Variants in HERC1 observed in about 807,000 individuals in gnomAD.
HERC1 encodes HECT and RLD domain containing E3 ubiquitin protein ligase family member 1, also known as probable E3 ubiquitin-protein ligase HERC1.
HERC1 carries 160 observed loss-of-function variants against 554.3 expected under a neutral mutation model. The observed-to-expected ratio is 0.29, with a 90% CI of 0.25 to 0.33. The LOEUF (loss-of-function observed/expected upper bound fraction) is 0.33. Ranked by LOEUF, HERC1 falls within the 10% of genes least tolerant of loss-of-function variation. The pLI is 1.00. For synonymous variants in HERC1, 2,175 were observed against 2,131.7 expected, an observed-to-expected ratio of 1.02 and a Z score of -0.56; for missense variants, 4,919 against 5,918.5, an observed-to-expected ratio of 0.83 and a Z score of 5.54.
chr15:63,804,825 C>G (rs1360706685), intron 1 of HERC1, among the ~76,000 whole-genome samples: 3 of 152,076 alleles, frequency 2.0e-5, no homozygotes, highest in Non-Finnish European at 4.4e-5. Context: ...GCCAAAAAAG[C>G]GCATGAAAGG....
At chr15:63,662,961 G>A in intron 44 of HERC1, 23 bp downstream of exon 44, 2 of 1,582,134 alleles carry the variant, frequency 1.3e-6, no homozygotes, top group Non-Finnish European at 1.7e-6. Flanking sequence ...AGTCAGAGCA[G>A]CCCCCGCTGC....
chr15:63,645,203 T>C (rs1035479204), intron 56 of HERC1, 106 bp from the exon 57 acceptor site: 5 of 856,900 alleles, frequency 5.8e-6, no homozygotes, highest in Admixed American at 4.2e-5. Flanking sequence ...TGCATTATTT[T>C]TTAAACTTAT....
chr15:63,732,475 G>A (rs939876054), intron 14 of HERC1, among the ~76,000 whole-genome samples: 1 of 151,934 alleles, frequency 6.6e-6, no homozygotes, highest in Non-Finnish European at 1.5e-5. Flanking sequence ...AGAAATGGCA[G>A]GAAAAAAAGA....
chr15:63,693,339 G>T (rs2072230165), intron 30 of HERC1, among the ~76,000 whole-genome samples: 1 of 151,394 alleles, frequency 6.6e-6, no homozygotes, highest in Non-Finnish European at 1.5e-5. Context: ...CACCTCCCGG[G>T]TTCAAGTGAT....
At chr15:63,684,278 C>T (rs2071629908) in intron 34 of HERC1, among the ~76,000 whole-genome samples, 2 of 152,178 alleles carry the variant, frequency 1.3e-5, no homozygotes, top group African/African-American at 4.8e-5. Flanking sequence ...AAACAAGACA[C>T]ACCAATAAAG....
In HERC1 at chr15:63,666,057, G is replaced by A. The variant is rs764147265; in HGVS notation, c.8417C>T (p.Ser2806Leu). ...PGHEDEEEPQ[S>L]GSTADSRPGA... ...AGGCCTAGAGTCTGCTGTGCTGCCC[G>A]ACTGGGGCTCCTCTTCATCCTCATG... The change falls in exon 42 of 78, where the codon TCG becomes TTG. Residue 2806 changes from serine (S) to leucine (L), a missense_variant. Physicochemically the swap from Ser to Leu is moderately radical, Grantham distance 145. This residue lies in a region of HERC1 where 1,963 missense variants were observed against 2,228.6 expected (regional missense o/e 0.88). Transcript: ENST00000443617. 3.6e-5 allele frequency: 58 copies of A among 1,613,852 alleles called. No individual in the cohort carries two copies. Among genetic ancestry groups the A allele is most frequent in the Middle Eastern group, 3.3e-4 (2 of 6,084 alleles).
In HERC1 at chr15:63,658,646, T is replaced by C. The variant is rs758997381; in HGVS notation, c.9497A>G (p.Asn3166Ser). The C allele has an allele frequency of 2.3e-5, 37 of 1,613,714 alleles. No individual in the cohort carries two copies. Among genetic ancestry groups the C allele is most frequent in the Non-Finnish European group, 3.1e-5 (37 of 1,179,800 alleles). The change falls in exon 48 of 78, where the codon AAC becomes AGC. Residue 3166 changes from asparagine (N) to serine (S), a missense_variant. Physicochemically the swap from Asn to Ser is conservative, Grantham distance 46. This residue lies in a region of HERC1 where 1,963 missense variants were observed against 2,228.6 expected (regional missense o/e 0.88). Coordinates refer to ENST00000443617, the MANE Select transcript of HERC1 (RefSeq NM_003922.4). ...TAAAGCCACCACACGGTCATGAGGGTTTGCTAGGGCAGCTGCCTGCTCTCC... is the reference window on the plus strand; with the variant it reads ...TAAAGCCACCACACGGTCATGAGGGCTTGCTAGGGCAGCTGCCTGCTCTCC... ...TLGEQAAALA[N>S]PHDRVVALRR...
chr15:63,755,256 A>G lies in HERC1; in HGVS notation c.1603T>C (p.Trp535Arg). Reference sequence around the variant, plus strand: ...AATCTTCCAAAGTCTCCTTCACCCCATGTGTATAATTCCCCATCCTCTGTG... The same window carrying G: ...AATCTTCCAAAGTCTCCTTCACCCCGTGTGTATAATTCCCCATCCTCTGTG... The part of the protein sequence containing the change: ...AVTEDGELYT[W>R]GEGDFGRLGH... Residue 535 changes from tryptophan to arginine, a missense_variant, in exon 6 of 78, where the codon TGG becomes CGG. This residue lies in a region of HERC1 where 744 missense variants were observed against 1,090.0 expected (regional missense o/e 0.68). Coordinates refer to ENST00000443617, the MANE Select transcript of HERC1 (RefSeq NM_003922.4). 6.2e-7 allele frequency: 1 copy of G among 1,613,234 alleles called. No homozygotes were observed. The highest frequency in any genetic ancestry group is 1.1e-5 in the South Asian group (1 of 91,064).
At chr15:63,827,182 T>C (rs1396546377) in intron 1 of HERC1, among the ~76,000 whole-genome samples, 2 of 152,114 alleles carry the variant, frequency 1.3e-5, no homozygotes, top group Non-Finnish European at 1.5e-5. Context: ...CCCAACACTT[T>C]GGAAGGCCAG....
chr15:63,631,840 C>G (rs1397587332), intron 68 of HERC1, among the ~76,000 whole-genome samples: 1 of 152,196 alleles, frequency 6.6e-6, no homozygotes, highest in Non-Finnish European at 1.5e-5. Flanking sequence ...GGCGCCCGGC[C>G]CTCCCAAGTC....
At chr15:63,632,634 G>T in intron 68 of HERC1, 75 bp downstream of exon 68, 3 of 949,864 alleles carry the variant, frequency 3.2e-6, no homozygotes, top group South Asian at 1.4e-5. Context: ...TCAATTTAGA[G>T]CACATTCTGT....
rs535814038 is a variant in HERC1 at position 63,684,536 on chromosome 15, A to G, written c.6225+1823T>C. On this transcript the variant is annotated intron_variant, in intron 34 of 77. Transcript: ENST00000443617. ...ACAAAAAGGTCTAGATAAAAATAAC[A>G]AATGATTTTTAAAAATTAAAAAATT... Among the ~76,000 whole-genome samples, 4 of 152,354 alleles carry G rather than the reference A, an allele frequency of 2.6e-5. No homozygotes were observed. In the South Asian group the frequency reaches 6.2e-4, roughly 24 times the overall value.
intron 61 of HERC1, 149 bp from the exon 62 acceptor site, chr15:63,638,925 G>C (rs2068907301): frequency 4.5e-6 from 3 of 665,680 alleles, no homozygotes; most frequent in South Asian, 3.6e-5. Context: ...TTATAATTAT[G>C]TCAAACTTGA....
intron 17 of HERC1, 124 bp from the exon 18 acceptor site, chr15:63,725,637 A>G (rs1287918514): frequency 1.5e-6 from 1 of 685,448 alleles, no homozygotes; most frequent in Non-Finnish European, 2.5e-6. Flanking sequence ...ATGAAAACAC[A>G]AATTATAATA....
At chr15:63,781,436 T>C (rs1359563650) in intron 1 of HERC1, among the ~76,000 whole-genome samples, 2 of 152,224 alleles carry the variant, frequency 1.3e-5, no homozygotes, top group African/African-American at 4.8e-5. Context: ...ATTATTATTA[T>C]AACTGTTATG....
chr15:63,725,546 A>T (rs2074006046), intron 17 of HERC1, 33 bp from the exon 18 acceptor site: 1 of 1,545,420 alleles, frequency 6.5e-7, no homozygotes, highest in Admixed American at 1.7e-5. Flanking sequence ...TTGTGTCTTT[A>T]TCTGGTACTT....
At chr15:63,706,390 G>C (rs926710616) in intron 25 of HERC1, among the ~76,000 whole-genome samples, 5 of 152,050 alleles carry the variant, frequency 3.3e-5, no homozygotes, top group African/African-American at 1.2e-4. Context: ...AGTTCTCCCT[G>C]TAACACCATT....
At chr15:63,744,154 G>GTGTGTGTGTGTGTGTC (rs1567077976) in intron 12 of HERC1, among the ~76,000 whole-genome samples, 13 of 42,088 alleles carry the variant, frequency 3.1e-4, no homozygotes, top group Non-Finnish European at 7.4e-4. Flanking sequence ...GTGTGTGTGT[G>GTGTGTGTGTGTGTGTC]TGTGTGTGTG....
At position 63,616,549 on chromosome 15, in the gene HERC1, G is replaced by C. The variant is rs2067827500; in HGVS notation, c.13822C>G (p.Leu4608Val). The C allele has an allele frequency of 6.2e-7, 1 of 1,614,022 alleles. No individual in the cohort carries two copies. The highest frequency in any genetic ancestry group is 1.3e-5 in the African/African-American group (1 of 75,066). The change falls in exon 75 of 78, where the codon CTG becomes GTG. Residue 4608 changes from leucine (L) to valine (V), a missense_variant. Transcript: ENST00000443617. Reference sequence around the variant, plus strand: ...TCTAGGGTGAGTGGGACACAGCACAGCTGCTTCCACACCAGAGGGGCCAAG... The same window carrying C: ...TCTAGGGTGAGTGGGACACAGCACACCTGCTTCCACACCAGAGGGGCCAAG... ...LHLAPLVWKQ[L>V]CCVPLTLEDL... is the part of the protein sequence containing the mutation.
Sources: gnomAD v4.1 joint callset for allele counts (sites outside exome capture counted in the v4.1 genomes callset) on GRCh38, gnomAD v4.1.1 for gene constraint, gnomAD v4.1.1 regional missense constraint, MANE v1.5 for transcripts, NCBI Gene and HGNC (gene_info 2026-07-23, HGNC 2026-07-21) for gene names.